DSG3: variants seen among roughly 807,000 people sequenced by gnomAD.
DSG3 encodes the protein desmoglein-3.
Under a neutral mutation model 85.9 loss-of-function variants are expected in DSG3, and 63 were observed. That is an observed-to-expected ratio of 0.73 (90% CI 0.60 to 0.90). DSG3 has a LOEUF of 0.90. Ranked by LOEUF, DSG3 falls within the 40% of genes least tolerant of loss-of-function variation. The pLI is 0.00. For missense variants in DSG3, 1,220 were observed against 1,219.9 expected (o/e 1.00, Z 0.00); for synonymous variants, 447 against 441.9 (o/e 1.01, Z -0.14).
chr18:31,474,002 G>C (rs758535879), intron 14 of DSG3, 119 bp from the exon 15 acceptor site: 1 of 926,198 alleles, frequency 1.1e-6, no homozygotes, highest in Non-Finnish European at 1.6e-6. Context: ...TCATATAATT[G>C]TATTTTCTCC....
At chr18:31,453,828 A>G (rs894103790) in intron 1 of DSG3, among the ~76,000 whole-genome samples, 2 of 152,108 alleles carry the variant, frequency 1.3e-5, no homozygotes, top group African/African-American at 2.4e-5. Flanking sequence ...TCAGAAAACT[A>G]TGTAAATATT....
intron 3 of DSG3, among the ~76,000 whole-genome samples, chr18:31,457,390 G>A (rs148737677): frequency 6.6e-6 from 1 of 152,170 alleles, no homozygotes; most frequent in East Asian, 1.9e-4. Flanking sequence ...CTTGGATACA[G>A]AGTCTAGCAA....
Position 31,464,387 on chromosome 18 carries a change from G to A in DSG3, c.1271+5G>A, listed in dbSNP as rs1430763215. On this transcript the variant is annotated splice_donor_5th_base_variant and intron_variant, in intron 9 of 15. Transcript: ENST00000257189. ...CAAAGCTGCCTCAAATGTCAAGTAAGACTATTTTTATTTATATCCTATTTC... is the reference window on the plus strand; with the variant it reads ...CAAAGCTGCCTCAAATGTCAAGTAAAACTATTTTTATTTATATCCTATTTC... 1.2e-6 allele frequency: 2 copies of A among 1,600,960 alleles called. No homozygotes were observed. The highest frequency in any genetic ancestry group is 1.7e-6 in the Non-Finnish European group (2 of 1,173,400).
rs66889852 is a variant in DSG3, at chr18:31,456,879, C to G, written c.85-114C>G. ...CAGGTAGAGCTAATTAGATACCTAA[C>G]AGTCTTAGTGATCTTGAAACATAGG... On this transcript the variant is annotated intron_variant, in intron 2 of 15. Coordinates refer to ENST00000257189, the MANE Select transcript of DSG3 (RefSeq NM_001944.3). 0.026 allele frequency: 26,323 copies of G among 1,017,686 alleles called. 936 individuals carry two copies. The highest frequency in any genetic ancestry group is 0.16 in the African/African-American group (9,520 of 61,268). The allele number at this position is 1,017,686 out of a possible 1,614,324, so 63.0% of individuals were successfully genotyped here.
Position 31,469,271 on chromosome 18 carries a change from A to G in DSG3, c.1819A>G (p.Arg607Gly). 5.6e-6 allele frequency: 9 copies of G among 1,614,158 alleles called. No individual in the cohort carries two copies. The highest frequency in any genetic ancestry group is 7.6e-6 in the Non-Finnish European group (9 of 1,180,030). Residue 607 changes from arginine to glycine, a missense_variant, in exon 12 of 16, where the codon AGG (arginine) becomes GGG (glycine). Transcript: ENST00000257189. ...TSYPTTSPGTRYGRPHSGRLG... is the reference protein window; with the variant it reads ...TSYPTTSPGTGYGRPHSGRLG... ...TTACCCAACCACAAGCCCTGGGACC[A>G]GGTATGGCAGGCCGCACTCAGGGAG...
At chr18:31,474,864 T>G (rs769179722) in intron 15 of DSG3, among the ~76,000 whole-genome samples, 2 of 152,154 alleles carry the variant, frequency 1.3e-5, no homozygotes, top group Non-Finnish European at 2.9e-5. Context: ...TGAGGGCAAA[T>G]CTCTTTTATG....
At position 31,447,787 on chromosome 18, in the gene DSG3, C is replaced by A; in HGVS notation, c.-91C>A. Reference sequence around the variant, plus strand: ...CCTTCGGAAAGCAGCAGAGACGCTGCAGAGGGCTTTTCTTAGACATCAACT... The same window carrying A: ...CCTTCGGAAAGCAGCAGAGACGCTGAAGAGGGCTTTTCTTAGACATCAACT... On this transcript the variant is annotated 5_prime_UTR_variant, in exon 1 of 16. Transcript: ENST00000257189. The A allele has an allele frequency of 9.3e-7, 1 of 1,077,876 alleles. No individual in the cohort carries two copies. The highest frequency in any genetic ancestry group is 1.3e-6 in the Non-Finnish European group (1 of 749,058). 66.8% of individuals were successfully genotyped at this position (1,077,876 alleles called of 1,614,324 possible).
At chr18:31,463,036 A>G (rs1213843126) in intron 8 of DSG3, among the ~76,000 whole-genome samples, 1 of 152,154 alleles carries the variant, frequency 6.6e-6, no homozygotes, top group Non-Finnish European at 1.5e-5. Context: ...GTGACTCTAC[A>G]GTCAGCCAGG....
intron 10 of DSG3, 106 bp downstream of exon 10, chr18:31,465,563 G>C (rs2072813045): frequency 1.8e-6 from 2 of 1,084,962 alleles, no homozygotes; most frequent in Non-Finnish European, 2.4e-6. Context: ...CCACTGGAGA[G>C]AGAGAATTAT....
chr18:31,469,976 T>C (rs1250391370), intron 12 of DSG3, among the ~76,000 whole-genome samples: 1 of 152,104 alleles, frequency 6.6e-6, no homozygotes, highest in Non-Finnish European at 1.5e-5. Flanking sequence ...TTTAATACTT[T>C]CACATTTAAT....
intron 11 of DSG3, 33 bp from the exon 12 acceptor site, chr18:31,469,056 C>T (rs1292268598): frequency 2.5e-6 from 4 of 1,607,188 alleles, no homozygotes; most frequent in Non-Finnish European, 3.4e-6. Context: ...ACACTTCGTC[C>T]TACTGTTGAT....
chr18:31,454,751 T>C (rs1161221624), intron 1 of DSG3, among the ~76,000 whole-genome samples: 1 of 151,816 alleles, frequency 6.6e-6, no homozygotes, highest in East Asian at 1.9e-4. Flanking sequence ...TCCCAGCACT[T>C]TGGGAGGCCA....
chr18:31,464,440 C>T, intron 9 of DSG3, 58 bp downstream of exon 9: 1 of 1,479,530 alleles, frequency 6.8e-7, no homozygotes, highest in South Asian at 1.3e-5. Context: ...TATAAGCTAT[C>T]ACAACATAAC....
chr18:31,476,390 A>G lies in DSG3; in HGVS notation c.*130A>G, dbSNP rs1406142714. On this transcript the variant is annotated 3_prime_UTR_variant, in exon 16 of 16. Coordinates refer to ENST00000257189, the MANE Select transcript of DSG3 (RefSeq NM_001944.3). ...TATTAGCTTCTCTCATAAACTGATC[A>G]CGATTATAAATTAAATGTTTGGGTT... 9.3e-7 allele frequency: 1 copy of G among 1,079,212 alleles called. No individual in the cohort carries two copies. 66.9% of individuals were successfully genotyped at this position (1,079,212 alleles called of 1,614,324 possible). A position where few individuals can be genotyped will look rare whatever the true frequency, so the allele number is the denominator to read the frequency against.
chr18:31,457,585 C>CTTTCTTTCTTCTTTCTTTCT (rs1555666278), intron 3 of DSG3, among the ~76,000 whole-genome samples: 4 of 61,184 alleles, frequency 6.5e-5, no homozygotes, highest in Admixed American at 1.7e-4. Context: ...TTCTTTCTTT[C>CTTTCTTTCTTCTTTCTTTCT]TTCTTTCTTT....
intron 6 of DSG3, 117 bp from the exon 7 acceptor site, chr18:31,460,716 C>A: frequency 1.0e-6 from 1 of 973,170 alleles, no homozygotes; most frequent in East Asian, 2.9e-5. Flanking sequence ...CAGAGTCCCA[C>A]AAATGTCTTC....
At chr18:31,464,778 C>T (rs190620306) in intron 9 of DSG3, among the ~76,000 whole-genome samples, 70 of 152,220 alleles carry the variant, frequency 4.6e-4, no homozygotes, top group Non-Finnish European at 8.8e-4. Flanking sequence ...AAAATAATTG[C>T]TATATTATAC....
chr18:31,472,458 T>C (rs1294895679), intron 13 of DSG3, 35 bp downstream of exon 13: 5 of 1,588,608 alleles, frequency 3.1e-6, no homozygotes, highest in Non-Finnish European at 4.3e-6. Flanking sequence ...GTATTTCAAT[T>C]ACATAGAGAA....
chr18:31,474,954 C>T (rs1249535250), intron 15 of DSG3, among the ~76,000 whole-genome samples: 1 of 151,940 alleles, frequency 6.6e-6, no homozygotes, highest in South Asian at 2.1e-4. Flanking sequence ...ATCCAAATAC[C>T]TGTGTGTATA....
Sources: allele counts gnomAD v4.1 joint callset (sites outside exome capture counted in the v4.1 genomes callset), GRCh38; gene constraint gnomAD v4.1.1; transcripts MANE v1.5; gene names NCBI Gene and HGNC (gene_info 2026-07-23, HGNC 2026-07-21).